Variants in EEPD1 observed in about 807,000 individuals in gnomAD.
EEPD1 encodes the protein endonuclease/exonuclease/phosphatase family domain-containing protein 1.
Under a neutral mutation model 46.3 loss-of-function variants are expected in EEPD1, and 17 were observed. That is an observed-to-expected ratio of 0.37 (90% CI 0.25 to 0.55). The LOEUF (loss-of-function observed/expected upper bound fraction) is 0.55, where lower values mean the gene tolerates loss of function less well. Among genes scored for constraint, EEPD1 ranks in the 20% least tolerant of loss-of-function variants. The pLI is 0.83. For synonymous variants in EEPD1, 313 were observed against 315.6 expected (o/e 0.99, Z 0.09); for missense variants, 673 against 745.6 (o/e 0.90, Z 1.13).
At chr7:36,170,380 G>A (rs2700917) in intron 2 of EEPD1, among the ~76,000 whole-genome samples, 48,059 of 151,484 alleles carry the variant, frequency 0.32, 8,226 homozygotes, top group Middle Eastern at 0.43. Context: ...CTGCACTCCA[G>A]CCTGGGTGAC....
chr7:36,247,208 G>A (rs779388794), intron 3 of EEPD1, among the ~76,000 whole-genome samples: 5 of 152,050 alleles, frequency 3.3e-5, no homozygotes, highest in Non-Finnish European at 7.4e-5. Context: ...GGTGGGCAAC[G>A]TTAGAATGAT....
chr7:36,246,214 C>T (rs1786638885), intron 3 of EEPD1, among the ~76,000 whole-genome samples: 1 of 152,126 alleles, frequency 6.6e-6, no homozygotes, highest in Non-Finnish European at 1.5e-5. Flanking sequence ...ACCTGGTGGC[C>T]TTGCCAGTGC....
chr7:36,184,030 CTT>C (rs772937361), intron 2 of EEPD1, among the ~76,000 whole-genome samples: 37 of 152,038 alleles, frequency 2.4e-4, no homozygotes, highest in Non-Finnish European at 4.9e-4. Context: ...TAGCTTTTCT[CTT>C]GTGCAGGGAT....
rs200527094 is a variant in EEPD1, at chr7:36,299,207, T to C, written c.*1T>C. 1 of 1,613,408 alleles carries C rather than the reference T, an allele frequency of 6.2e-7. No homozygotes were observed. Among genetic ancestry groups the C allele is most frequent in the East Asian group, 2.2e-5 (1 of 44,854 alleles). On this transcript the variant is annotated 3_prime_UTR_variant, in exon 8 of 8. Transcript: ENST00000242108. ...AGCCAACATCAAGCACGAGCGATGATGACACCAAATCCATGTGTCCACCCT... is the reference window on the plus strand; with the variant it reads ...AGCCAACATCAAGCACGAGCGATGACGACACCAAATCCATGTGTCCACCCT...
chr7:36,216,345 T>C (rs1786030020), intron 2 of EEPD1, among the ~76,000 whole-genome samples: 1 of 152,076 alleles, frequency 6.6e-6, no homozygotes, highest in South Asian at 2.1e-4. Flanking sequence ...GAGGAAACAA[T>C]TGGCAATCGT....
chr7:36,270,993 TTA>T (rs1053647993), intron 3 of EEPD1, among the ~76,000 whole-genome samples: 4 of 63,200 alleles, frequency 6.3e-5, no homozygotes, highest in Admixed American at 2.7e-4. Flanking sequence ...ATTATTATTA[TTA>T]TTTTTTTTTG....
Position 36,157,061 on chromosome 7 carries a change from C to T in EEPD1, c.878+1859C>T, listed in dbSNP as rs561902084. ...AACAATCCAGTATGGTAACTATTTACATAACATTTACATTGTATTAGGCAT... is the reference window on the plus strand; with the variant it reads ...AACAATCCAGTATGGTAACTATTTATATAACATTTACATTGTATTAGGCAT... On this transcript the variant is annotated intron_variant, in intron 2 of 7. Coordinates refer to ENST00000242108, the MANE Select transcript of EEPD1 (RefSeq NM_030636.3). Among the ~76,000 whole-genome samples the T allele has an allele frequency of 9.2e-5, 14 of 152,224 alleles. No homozygotes were observed. In the South Asian group the frequency reaches 2.7e-3, roughly 29 times the overall value.
intron 3 of EEPD1, among the ~76,000 whole-genome samples, chr7:36,254,862 T>C (rs1376283471): frequency 1.3e-5 from 2 of 152,252 alleles, no homozygotes; most frequent in African/African-American, 2.4e-5. Context: ...CATTGTGGTT[T>C]TGATTTGCAT....
At chr7:36,296,093 A>G (rs145126481) in intron 6 of EEPD1, among the ~76,000 whole-genome samples, 2 of 150,702 alleles carry the variant, frequency 1.3e-5, no homozygotes, top group African/African-American at 4.9e-5. Flanking sequence ...AGCAGTGGCT[A>G]CTGGGAACAG....
At chr7:36,218,753 C>T (rs1583815551) in intron 2 of EEPD1, among the ~76,000 whole-genome samples, 1 of 152,296 alleles carries the variant, frequency 6.6e-6, no homozygotes, top group East Asian at 1.9e-4. Flanking sequence ...AAATATCACC[C>T]TCTTTTTGCT....
chr7:36,269,576 C>T (rs770005509), intron 3 of EEPD1, among the ~76,000 whole-genome samples: 8 of 152,064 alleles, frequency 5.3e-5, no homozygotes, highest in Non-Finnish European at 5.9e-5. Context: ...CCTGTGCTGC[C>T]ATCTGTTTAT....
At chr7:36,164,151 T>C (rs1023786704) in intron 2 of EEPD1, among the ~76,000 whole-genome samples, 23 of 152,286 alleles carry the variant, frequency 1.5e-4, no homozygotes, top group African/African-American at 5.5e-4. Flanking sequence ...ATATTTTTTA[T>C]GACTTTTCTG....
At chr7:36,297,749 T>C (rs1032001650) in intron 7 of EEPD1, among the ~76,000 whole-genome samples, 2 of 152,182 alleles carry the variant, frequency 1.3e-5, no homozygotes, top group African/African-American at 4.8e-5. Context: ...ACAGGAGAAA[T>C]GCTCAGTGCT....
At chr7:36,216,666 C>T (rs77661503) in intron 2 of EEPD1, among the ~76,000 whole-genome samples, 21 of 152,164 alleles carry the variant, frequency 1.4e-4, no homozygotes, top group Admixed American at 8.5e-4. Context: ...TTTAAATGTT[C>T]AAAAAGACTT....
At chr7:36,202,181 G>A (rs940399652) in intron 2 of EEPD1, among the ~76,000 whole-genome samples, 1 of 152,210 alleles carries the variant, frequency 6.6e-6, no homozygotes, top group African/African-American at 2.4e-5. Flanking sequence ...AGGCTGAATA[G>A]GAGTCAGTGT....
intron 7 of EEPD1, among the ~76,000 whole-genome samples, chr7:36,297,755 G>C (rs961128938): frequency 1.3e-5 from 2 of 152,222 alleles, no homozygotes; most frequent in Non-Finnish European, 2.9e-5. Flanking sequence ...GAAATGCTCA[G>C]TGCTCTGCAA....
intron 3 of EEPD1, among the ~76,000 whole-genome samples, chr7:36,245,026 A>G (rs1786614675): frequency 6.6e-6 from 1 of 151,480 alleles, no homozygotes; most frequent in Admixed American, 6.6e-5. Context: ...GCTCACTGCA[A>G]CCTTCACCTC....
At chr7:36,288,329 A>T (rs998532878) in intron 6 of EEPD1, among the ~76,000 whole-genome samples, 3 of 152,114 alleles carry the variant, frequency 2.0e-5, no homozygotes, top group Non-Finnish European at 2.9e-5. Flanking sequence ...CCCCCATCTG[A>T]TGGGGGACAG....
chr7:36,194,233 C>A (rs1035932700), intron 2 of EEPD1, among the ~76,000 whole-genome samples: 2 of 152,092 alleles, frequency 1.3e-5, no homozygotes, highest in Admixed American at 6.5e-5. Context: ...TGAGGGCTTC[C>A]GTGGGAACAG....
Sources: allele counts gnomAD v4.1 joint callset (sites outside exome capture counted in the v4.1 genomes callset), GRCh38; gene constraint gnomAD v4.1.1; transcripts MANE v1.5; gene names NCBI Gene and HGNC (gene_info 2026-07-23, HGNC 2026-07-21).